The following GRAMD1C variants were observed in gnomAD, a reference collection of about 807,000 sequenced individuals.
The protein encoded by GRAMD1C is protein Aster-C.
Under a neutral mutation model 97.8 loss-of-function variants are expected in GRAMD1C, and 89 were observed. The observed-to-expected ratio is 0.91, with a 90% CI of 0.77 to 1.09. The LOEUF is 1.09. Ranked by LOEUF, GRAMD1C falls within the 50% of genes least tolerant of loss-of-function variation. The pLI, the probability that GRAMD1C is intolerant of heterozygous loss-of-function variation, is 0.00. For missense variants in GRAMD1C, 740 were observed against 766.4 expected, an observed-to-expected ratio of 0.97 and a Z score of 0.41; for synonymous variants, 256 against 267.0, an observed-to-expected ratio of 0.96 and a Z score of 0.40.
intron 13 of GRAMD1C, among the ~76,000 whole-genome samples, chr3:113,935,029 C>T (rs754846773): frequency 1.3e-5 from 2 of 152,188 alleles, no homozygotes; most frequent in Non-Finnish European, 2.9e-5. Context: ...GTGTGAGGCA[C>T]CACCGTGCCT....
intron 2 of GRAMD1C, among the ~76,000 whole-genome samples, chr3:113,849,302 TATTTA>T (rs1559776821): frequency 1.3e-5 from 2 of 149,378 alleles, no homozygotes. Context: ...TTTATTTATT[TATTTA>T]TTTTTTATTG....
chr3:113,925,175 G>A (rs1937191171), intron 10 of GRAMD1C, among the ~76,000 whole-genome samples: 1 of 152,098 alleles, frequency 6.6e-6, no homozygotes, highest in East Asian at 1.9e-4. Context: ...GCCATTGCAT[G>A]TGAGATGGGT....
chr3:113,870,267 A>C (rs1374843843), intron 3 of GRAMD1C, among the ~76,000 whole-genome samples: 1 of 151,846 alleles, frequency 6.6e-6, no homozygotes, highest in Non-Finnish European at 1.5e-5. Flanking sequence ...AGAGGCTGAG[A>C]TGAGAGAATC....
chr3:113,911,195 C>T (rs1353922147), intron 9 of GRAMD1C, among the ~76,000 whole-genome samples: 2 of 149,906 alleles, frequency 1.3e-5, no homozygotes, highest in Non-Finnish European at 3.0e-5. Flanking sequence ...CACACGCACA[C>T]GAGAGAGAGA....
intron 3 of GRAMD1C, among the ~76,000 whole-genome samples, chr3:113,872,949 G>C (rs1276265216): frequency 6.6e-6 from 1 of 150,752 alleles, no homozygotes; most frequent in East Asian, 2.0e-4. Context: ...GCCAGGCGTG[G>C]TGGCCAGCGC....
At chr3:113,880,241 C>A (rs546895637) in intron 5 of GRAMD1C, among the ~76,000 whole-genome samples, 1 of 152,214 alleles carries the variant, frequency 6.6e-6, no homozygotes, top group South Asian at 2.1e-4. Context: ...TCATTCCATA[C>A]CCATAATCCC....
At chr3:113,870,572 A>G (rs950992809) in intron 3 of GRAMD1C, among the ~76,000 whole-genome samples, 2 of 152,186 alleles carry the variant, frequency 1.3e-5, no homozygotes, top group Admixed American at 6.5e-5. Flanking sequence ...AAAATAGCCA[A>G]AAGAGTGGAA....
At chr3:113,850,654 G>C in intron 2 of GRAMD1C, 1 of 1,605,518 alleles carries the variant, frequency 6.2e-7, no homozygotes, top group Non-Finnish European at 8.5e-7. Context: ...GCATGTGGAC[G>C]TCCTTCTTGG....
At chr3:113,832,106 G>T (rs112999678) in intron 1 of GRAMD1C, among the ~76,000 whole-genome samples, 1 of 151,862 alleles carries the variant, frequency 6.6e-6, no homozygotes, top group East Asian at 1.9e-4. Context: ...GTGTGATCTC[G>T]ATTCATTGCA....
chr3:113,909,818 A>G (rs1936502588), intron 9 of GRAMD1C, among the ~76,000 whole-genome samples: 1 of 152,180 alleles, frequency 6.6e-6, no homozygotes, highest in Middle Eastern at 3.2e-3. Flanking sequence ...TAAAAAGTGT[A>G]CTCATCAATG....
intron 14 of GRAMD1C, among the ~76,000 whole-genome samples, chr3:113,937,377 ATGTTTTGTTT>A (rs982604867): frequency 6.7e-6 from 1 of 150,198 alleles, no homozygotes; most frequent in Non-Finnish European, 1.5e-5. Context: ...ATAGGTGATA[ATGTTTTGTTT>A]TGTTTTGTTT....
intron 1 of GRAMD1C, among the ~76,000 whole-genome samples, chr3:113,828,583 T>G (rs1709517267): frequency 6.6e-6 from 1 of 152,174 alleles, no homozygotes; most frequent in African/African-American, 2.4e-5. Flanking sequence ...TCCCTAACAC[T>G]CTATCTTTGA....
intron 17 of GRAMD1C, among the ~76,000 whole-genome samples, chr3:113,942,203 T>C (rs932420995): frequency 7.9e-5 from 12 of 151,546 alleles, no homozygotes; most frequent in Admixed American, 2.0e-4. Context: ...CATGAGCCAC[T>C]GCTCCCAGCT....
intron 9 of GRAMD1C, among the ~76,000 whole-genome samples, chr3:113,909,616 C>T (rs913453220): frequency 5.3e-5 from 8 of 152,116 alleles, no homozygotes; most frequent in Middle Eastern, 3.4e-3. Context: ...CTCTTTTCCT[C>T]CTTTTAAAAA....
At chr3:113,942,776 G>A (rs1255637585) in intron 17 of GRAMD1C, among the ~76,000 whole-genome samples, 1 of 152,152 alleles carries the variant, frequency 6.6e-6, no homozygotes, top group African/African-American at 2.4e-5. Flanking sequence ...CTTCTGCCTA[G>A]GTAGTAGGAA....
upstream of GRAMD1C, among the ~76,000 whole-genome samples, chr3:113,837,678 G>A (rs564741162): frequency 1.3e-5 from 2 of 152,154 alleles, no homozygotes; most frequent in African/African-American, 2.4e-5. Flanking sequence ...CTTGAGTCCA[G>A]GAGTTCGAGA....
chr3:113,861,368 T>C (rs994735238), intron 2 of GRAMD1C, among the ~76,000 whole-genome samples: 8 of 152,148 alleles, frequency 5.3e-5, no homozygotes, highest in Non-Finnish European at 1.2e-4. Flanking sequence ...GTGCCATGTT[T>C]GGTTGTGTGT....
At chr3:113,922,361 C>A (rs1406765806) in intron 10 of GRAMD1C, among the ~76,000 whole-genome samples, 1 of 152,168 alleles carries the variant, frequency 6.6e-6, no homozygotes, top group Non-Finnish European at 1.5e-5. Flanking sequence ...GCGTGAACCA[C>A]CACGCCCAGT....
intron 6 of GRAMD1C, among the ~76,000 whole-genome samples, chr3:113,893,957 A>T (rs1383474482): frequency 2.0e-5 from 3 of 152,214 alleles, no homozygotes; most frequent in Non-Finnish European, 4.4e-5. Flanking sequence ...CAGAAACAGC[A>T]TTCAGGGCAC....
Sources: gnomAD v4.1 joint callset for allele counts (sites outside exome capture counted in the v4.1 genomes callset) on GRCh38, gnomAD v4.1.1 for gene constraint, MANE v1.5 for transcripts, NCBI Gene and HGNC (gene_info 2026-07-23, HGNC 2026-07-21) for gene names.